Variants in ST6GAL2 observed in about 807,000 individuals in gnomAD.
ST6GAL2 encodes the protein beta-galactoside alpha-2,6-sialyltransferase 2.
ST6GAL2 carries 24 observed loss-of-function variants against 37.5 expected under a neutral mutation model. That is an observed-to-expected ratio of 0.64 (90% confidence interval 0.46 to 0.90). The LOEUF (loss-of-function observed/expected upper bound fraction) is 0.90, where lower values mean the gene tolerates loss of function less well. ST6GAL2 is among the 40% of genes least tolerant of loss of function. The probability of loss-of-function intolerance (pLI) is 0.00; values close to 1 mark genes in which losing one functional copy is unlikely to be tolerated. For synonymous variants in ST6GAL2, 306 were observed against 295.1 expected, an observed-to-expected ratio of 1.04 and a Z score of -0.38; for missense variants, 715 against 712.7, an observed-to-expected ratio of 1.00 and a Z score of -0.04.
At chr2:106,845,753 T>C (rs1677118512) in intron 1 of ST6GAL2, among the ~76,000 whole-genome samples, 1 of 152,172 alleles carries the variant, frequency 6.6e-6, no homozygotes. Flanking sequence ...ACAGATTCTG[T>C]GACCCTCCAC....
chr2:106,817,420 C>T (rs1573212444), intron 5 of ST6GAL2, among the ~76,000 whole-genome samples: 1 of 152,168 alleles, frequency 6.6e-6, no homozygotes, highest in Non-Finnish European at 1.5e-5. Flanking sequence ...GTCCTGAGGC[C>T]CCCATTCCAG....
intron 1 of ST6GAL2, among the ~76,000 whole-genome samples, chr2:106,868,955 TG>T (rs959263998): frequency 6.6e-6 from 1 of 152,206 alleles, no homozygotes; most frequent in African/African-American, 2.4e-5. Flanking sequence ...AGTAGACTGG[TG>T]GTGGGCCATT....
intron 1 of ST6GAL2, among the ~76,000 whole-genome samples, chr2:106,856,372 A>G (rs1677575471): frequency 6.6e-6 from 1 of 152,190 alleles, no homozygotes. Flanking sequence ...ACTGAGAGAC[A>G]CGGATCATGG....
Position 106,806,852 on chromosome 2 carries a change from G to A in ST6GAL2, c.1416C>T (p.Tyr472=). 1 of 1,614,184 alleles carries A rather than the reference G, an allele frequency of 6.2e-7. No individual in the cohort carries two copies. Among genetic ancestry groups the A allele is most frequent in the Non-Finnish European group, 8.5e-7 (1 of 1,180,046 alleles). ...QTELCHYHEL[Y]YDAACTLGAY... is the part of the protein sequence containing the mutation. ...CCCCGAGGGTGCAGGCTGCGTCGTA[G>A]TACAGCTCGTGGTAGTGGCACAGCT... The change falls in exon 6 of 6, where the codon TAC becomes TAT. Residue 472 remains tyrosine (Y), a synonymous_variant. Coordinates refer to ENST00000409382, the MANE Select transcript of ST6GAL2 (RefSeq NM_001142351.2).
intron 1 of ST6GAL2, among the ~76,000 whole-genome samples, chr2:106,875,172 T>C (rs1678450204): frequency 7.0e-6 from 1 of 142,876 alleles, no homozygotes; most frequent in African/African-American, 2.7e-5. Context: ...CTTTTTTTGT[T>C]TCTTTTTTTT....
chr2:106,871,665 T>A (rs928940598), intron 1 of ST6GAL2, among the ~76,000 whole-genome samples: 1 of 152,192 alleles, frequency 6.6e-6, no homozygotes, highest in Admixed American at 6.5e-5. Context: ...ACCCACAAAT[T>A]AGCCTAGGCC....
chr2:106,806,837 G>A lies in ST6GAL2; in HGVS notation c.1431C>T (p.Cys477=). 1.2e-6 allele frequency: 2 copies of A among 1,614,190 alleles called. No individual in the cohort carries two copies. Among genetic ancestry groups the A allele is most frequent in the Non-Finnish European group, 1.7e-6 (2 of 1,180,044 alleles). The change falls in exon 6 of 6, where the codon TGC becomes TGT. Residue 477 remains cysteine (C), a synonymous_variant. Coordinates refer to ENST00000409382, the MANE Select transcript of ST6GAL2 (RefSeq NM_001142351.2). ...HYHELYYDAA[C]TLGAYHPLLY... ...GTAGTGGGTGGTACGCCCCGAGGGT[G>A]CAGGCTGCGTCGTAGTACAGCTCGT... is the stretch of plus-strand genomic sequence containing the variant.
At chr2:106,848,232 G>A (rs1677224431) in intron 1 of ST6GAL2, among the ~76,000 whole-genome samples, 1 of 151,974 alleles carries the variant, frequency 6.6e-6, no homozygotes, top group African/African-American at 2.4e-5. Flanking sequence ...GAAGCTATCT[G>A]GGGACAAAGT....
chr2:106,873,889 T>C (rs1678384043), intron 1 of ST6GAL2, among the ~76,000 whole-genome samples: 1 of 152,204 alleles, frequency 6.6e-6, no homozygotes, highest in Admixed American at 6.5e-5. Context: ...GTTCTGTTTA[T>C]AAATAGATCA....
At chr2:106,815,584 A>G (rs776624802) in intron 5 of ST6GAL2, among the ~76,000 whole-genome samples, 13 of 152,206 alleles carry the variant, frequency 8.5e-5, no homozygotes, top group Non-Finnish European at 1.9e-4. Context: ...TTGACCTATT[A>G]TACATTTTCA....
chr2:106,810,412 G>A (rs1430996151), intron 5 of ST6GAL2, among the ~76,000 whole-genome samples: 1 of 152,188 alleles, frequency 6.6e-6, no homozygotes, highest in Admixed American at 6.5e-5. Context: ...TTTGTCCTGA[G>A]TTTTCTGCAC....
intron 1 of ST6GAL2, among the ~76,000 whole-genome samples, chr2:106,851,831 AAAG>A (rs1347982006): frequency 1.3e-5 from 2 of 152,306 alleles, no homozygotes; most frequent in South Asian, 2.1e-4. Flanking sequence ...TTGAAATAAT[AAAG>A]AAGATTTAGC....
At chr2:106,879,357 C>G (rs1452040575) in intron 1 of ST6GAL2, among the ~76,000 whole-genome samples, 2 of 152,212 alleles carry the variant, frequency 1.3e-5, no homozygotes, top group East Asian at 3.9e-4. Context: ...TATTTTAAAG[C>G]CATACCTTTC....
intron 1 of ST6GAL2, among the ~76,000 whole-genome samples, chr2:106,869,850 C>T (rs548872843): frequency 1.3e-5 from 2 of 152,290 alleles, no homozygotes; most frequent in South Asian, 4.1e-4. Flanking sequence ...TGCACCTCAC[C>T]CCTTCCTGAC....
At chr2:106,812,439 A>C (rs1675644900) in intron 5 of ST6GAL2, among the ~76,000 whole-genome samples, 1 of 152,244 alleles carries the variant, frequency 6.6e-6, no homozygotes, top group African/African-American at 2.4e-5. Flanking sequence ...TCATGTCAGC[A>C]GTCTCTGCCT....
At chr2:106,819,842 A>G (rs977104802) in intron 5 of ST6GAL2, among the ~76,000 whole-genome samples, 1 of 152,086 alleles carries the variant, frequency 6.6e-6, no homozygotes, top group East Asian at 1.9e-4. Context: ...AAACTTAAAA[A>G]GTGGGAGGAC....
intron 5 of ST6GAL2, among the ~76,000 whole-genome samples, chr2:106,819,502 A>G (rs1181228242): frequency 2.6e-5 from 4 of 152,146 alleles, no homozygotes; most frequent in Non-Finnish European, 4.4e-5. Flanking sequence ...CTAGAATAGT[A>G]TATCCAGCAA....
rs893646973 is a variant in ST6GAL2, at chr2:106,843,868, T to G, written c.110A>C (p.Glu37Ala). 14 of 1,610,744 alleles carry G rather than the reference T, an allele frequency of 8.7e-6. No homozygotes were observed. The highest frequency in any genetic ancestry group is 1.2e-5 in the Non-Finnish European group (14 of 1,179,688). Residue 37 changes from glutamate to alanine, a missense_variant, in exon 2 of 6, where the codon GAG becomes GCG. Around this residue, in one of 3 missense-constraint regions of ST6GAL2, gnomAD observed 512 missense variants for 488.8 expected, o/e 1.05. Transcript: ENST00000409382. ...GAAGGAGAGGGAGCTGGGTACAGGC[T>G]CAGCGGGGTTGCTGTCGGTGAAGTA... Reference protein sequence around the residue: ...FIYFTDSNPAEPVPSSLSFLE... With the variant: ...FIYFTDSNPAAPVPSSLSFLE...
chr2:106,860,629 T>A (rs1287151382), intron 1 of ST6GAL2, among the ~76,000 whole-genome samples: 1 of 152,134 alleles, frequency 6.6e-6, no homozygotes, highest in African/African-American at 2.4e-5. Context: ...TCAAACCACT[T>A]GTTACTGACT....
Sources: allele counts gnomAD v4.1 joint callset (sites outside exome capture counted in the v4.1 genomes callset), GRCh38; gene constraint gnomAD v4.1.1; regional missense constraint gnomAD v4.1.1; transcripts MANE v1.5; gene names NCBI Gene and HGNC (gene_info 2026-07-23, HGNC 2026-07-21).